NOS2: variants seen among roughly 807,000 people sequenced by gnomAD.
NOS2 encodes the protein nitric oxide synthase, inducible.
Under a neutral mutation model 136.0 loss-of-function variants are expected in NOS2, and 96 were observed. That is an observed-to-expected ratio of 0.71 (90% CI 0.60 to 0.84). The LOEUF (loss-of-function observed/expected upper bound fraction) is 0.84. NOS2 is among the 40% of genes least tolerant of loss of function. The probability of loss-of-function intolerance (pLI) is 0.00; values close to 1 mark genes in which losing one functional copy is unlikely to be tolerated. For missense variants in NOS2, 1,237 were observed against 1,496.9 expected, an observed-to-expected ratio of 0.83 and a Z score of 2.87; for synonymous variants, 539 against 587.5, an observed-to-expected ratio of 0.92 and a Z score of 1.20.
In NOS2 at chr17:27,788,797, C is replaced by A; in HGVS notation, c.318+12G>T. 6.2e-7 allele frequency: 1 copy of A among 1,610,490 alleles called. No homozygotes were observed. The highest frequency in any genetic ancestry group is 8.5e-7 in the Non-Finnish European group (1 of 1,177,540). On this transcript the variant is annotated intron_variant, in intron 4 of 26. Transcript: ENST00000313735. ...GGGACAAAGGTGGTTCTCCCTGAAGCCCCAGACTTACCCCTTTGGCCTTAT... is the reference window on the plus strand; with the variant it reads ...GGGACAAAGGTGGTTCTCCCTGAAGACCCAGACTTACCCCTTTGGCCTTAT...
At chr17:27,773,120 T>C in intron 13 of NOS2, 41 bp downstream of exon 13, 2 of 1,426,314 alleles carry the variant, frequency 1.4e-6, no homozygotes, top group Non-Finnish European at 2.0e-6. Context: ...GGGAGAGATA[T>C]AGTTCACACA....
At position 27,757,196 on chromosome 17, in the gene NOS2, G is replaced by C; in HGVS notation, c.*50C>G. The C allele has an allele frequency of 6.9e-7, 1 of 1,447,896 alleles. No individual in the cohort carries two copies. The highest frequency in any genetic ancestry group is 2.3e-5 in the East Asian group (1 of 43,904). 89.7% of individuals were successfully genotyped at this position (1,447,896 alleles called of 1,614,324 possible). ...TGTGACCTCAGATAATGCAGAGCTG[G>C]CTCCATCCTTAAGTTCTGTGCCGGC... is the stretch of plus-strand genomic sequence containing the variant. On this transcript the variant is annotated 3_prime_UTR_variant, in exon 27 of 27. Transcript: ENST00000313735.
chr17:27,784,479 T>G (rs1434457829), intron 5 of NOS2, among the ~76,000 whole-genome samples: 1 of 152,210 alleles, frequency 6.6e-6, no homozygotes, highest in African/African-American at 2.4e-5. Flanking sequence ...TTCCCCCCTC[T>G]GCACCTGAGC....
intron 16 of NOS2, 69 bp downstream of exon 16, chr17:27,769,466 C>T (rs1435226702): frequency 7.4e-7 from 1 of 1,353,306 alleles, no homozygotes; most frequent in Non-Finnish European, 1.1e-6. Context: ...ACACCCAGTT[C>T]CATCCCCTGA....
At chr17:27,777,569 T>C (rs73986057) in intron 11 of NOS2, among the ~76,000 whole-genome samples, 1,784 of 152,298 alleles carry the variant, frequency 0.012, 37 homozygotes, top group African/African-American at 0.04. Context: ...AGACAAGGAC[T>C]GAAGACCCAG....
In NOS2 at chr17:27,764,208, C is replaced by T. The variant is rs1333981228; in HGVS notation, c.2429-64G>A. ...CCCATTCAGGATTCTCAGCAGGTAGCGAGGCCCCCAGGCAGACACCCTCTA... is the reference window on the plus strand; with the variant it reads ...CCCATTCAGGATTCTCAGCAGGTAGTGAGGCCCCCAGGCAGACACCCTCTA... On this transcript the variant is annotated intron_variant, in intron 20 of 26. Coordinates refer to ENST00000313735, the MANE Select transcript of NOS2 (RefSeq NM_000625.4). 6 of 997,634 alleles carry T rather than the reference C, an allele frequency of 6.0e-6. No individual in the cohort carries two copies. In the East Asian group the frequency reaches 9.7e-5, roughly 16 times the overall value. The allele number at this position is 997,634 out of a possible 1,614,324, so 61.8% of individuals were successfully genotyped here.
chr17:27,771,131 C>A, intron 14 of NOS2, 114 bp from the exon 15 acceptor site: 2 of 718,834 alleles, frequency 2.8e-6, no homozygotes, highest in South Asian at 3.3e-5. Context: ...CTCCTGTGCT[C>A]ATCTGTCTCT....
chr17:27,772,851 C>G (rs1402994794), intron 13 of NOS2, among the ~76,000 whole-genome samples: 1 of 152,074 alleles, frequency 6.6e-6, no homozygotes, highest in African/African-American at 2.4e-5. Context: ...CTGGGCAACA[C>G]TGCGAGACCC....
At chr17:27,785,128 G>A (rs977100860) in intron 5 of NOS2, among the ~76,000 whole-genome samples, 42 of 150,948 alleles carry the variant, frequency 2.8e-4, no homozygotes, top group African/African-American at 9.4e-4. Context: ...GCCTAGGTTC[G>A]AATCCCCACT....
At position 27,784,161 on chromosome 17, in the gene NOS2, C is replaced by CACACACACACA. The variant is rs3221879; in HGVS notation, c.468-1056_468-1055insTGTGTGTGTGT. ...ACACACACACACACACACACACACA[C>CACACACACACA]TACCACCACCACCAACAACAACAAC... On this transcript the variant is annotated intron_variant, in intron 5 of 26. Transcript: ENST00000313735. Among the ~76,000 whole-genome samples the CACACACACACA allele has an allele frequency of 5.7e-4, 81 of 143,330 alleles. 1 individual carries two copies. The highest frequency in any genetic ancestry group is 1.9e-3 in the African/African-American group (74 of 39,222). 94.0% of individuals were successfully genotyped at this position (143,330 alleles called of 152,430 possible).
intron 11 of NOS2, 66 bp from the exon 12 acceptor site, chr17:27,774,517 C>T: frequency 4.0e-6 from 5 of 1,261,968 alleles, no homozygotes; most frequent in Non-Finnish European, 4.2e-6. Flanking sequence ...GGCCGGTTGG[C>T]CGCAGGGCTC....
At chr17:27,771,234 G>A (rs946994139) in intron 14 of NOS2, among the ~76,000 whole-genome samples, 1 of 152,202 alleles carries the variant, frequency 6.6e-6, no homozygotes, top group Admixed American at 6.5e-5. Flanking sequence ...AAGCCCTATG[G>A]TTAACACATT....
chr17:27,791,863 T>A (rs1048419232), intron 2 of NOS2, among the ~76,000 whole-genome samples: 1 of 151,496 alleles, frequency 6.6e-6, no homozygotes, highest in Non-Finnish European at 1.5e-5. Flanking sequence ...GGCTGAGCAG[T>A]CACCATGGGG....
Position 27,767,704 on chromosome 17 carries a change from C to A in NOS2, c.2167+1G>T. On this transcript the variant is annotated splice_donor_variant, in intron 18 of 26. Transcript: ENST00000313735. LOFTEE classifies it high-confidence loss of function. ...CCCATGTGCTGCAGAGAAGCAGGTACCTTTGCTGAGGTCCAAAGGCTGTGA... is the reference window on the plus strand; with the variant it reads ...CCCATGTGCTGCAGAGAAGCAGGTAACTTTGCTGAGGTCCAAAGGCTGTGA... 6.2e-7 allele frequency: 1 copy of A among 1,613,462 alleles called. No homozygotes were observed. Among genetic ancestry groups the A allele is most frequent in the Non-Finnish European group, 8.5e-7 (1 of 1,179,902 alleles).
At chr17:27,797,547 C>T (rs1446000846) in intron 2 of NOS2, among the ~76,000 whole-genome samples, 3 of 152,224 alleles carry the variant, frequency 2.0e-5, no homozygotes, top group African/African-American at 7.2e-5. Flanking sequence ...TTTTTGCCGC[C>T]TCTGACAGAT....
In NOS2 at chr17:27,773,225, G is replaced by A; in HGVS notation, c.1495C>T (p.His499Tyr). 6.2e-7 allele frequency: 1 copy of A among 1,613,926 alleles called. No homozygotes were observed. The highest frequency in any genetic ancestry group is 2.2e-5 in the East Asian group (1 of 44,882). ...YYYQVEAWKT[H>Y]VWQDEKRRPK... ...CTCCGCTTCTCGTCCTGCCAGACAT[G>A]GGTTTTCCAGGCCTCTACCTTCAGA... is the stretch of plus-strand genomic sequence containing the variant. The change falls in exon 13 of 27, where the codon CAT becomes TAT. Residue 499 changes from histidine to tyrosine, a missense_variant. Around this residue, in one of 3 missense-constraint regions of NOS2, gnomAD observed 782 missense variants for 909.9 expected, o/e 0.86. Transcript: ENST00000313735.
In NOS2 at chr17:27,757,171, T is replaced by C; in HGVS notation, c.*75A>G. ...CACTTTCCTCCATCTCCCCAGGCCC[T>C]GTGACCTCAGATAATGCAGAGCTGG... On this transcript the variant is annotated 3_prime_UTR_variant, in exon 27 of 27. Transcript: ENST00000313735. 8.4e-7 allele frequency: 1 copy of C among 1,194,748 alleles called. No individual in the cohort carries two copies. Among genetic ancestry groups the C allele is most frequent in the South Asian group, 1.3e-5 (1 of 76,808 alleles). 74.0% of individuals were successfully genotyped at this position (1,194,748 alleles called of 1,614,324 possible).
chr17:27,792,291 A>G (rs1381261020), intron 2 of NOS2, among the ~76,000 whole-genome samples: 1 of 151,614 alleles, frequency 6.6e-6, no homozygotes, highest in Non-Finnish European at 1.5e-5. Context: ...TGTGCGTACA[A>G]GCACAGAAAA....
At chr17:27,790,491 G>A (rs1246031236) in intron 2 of NOS2, among the ~76,000 whole-genome samples, 1 of 152,214 alleles carries the variant, frequency 6.6e-6, no homozygotes, top group East Asian at 1.9e-4. Context: ...AAAATGTTAA[G>A]TGTACAAAAG....
Sources: gnomAD v4.1 joint callset for allele counts (sites outside exome capture counted in the v4.1 genomes callset) on GRCh38, gnomAD v4.1.1 for gene constraint, gnomAD v4.1.1 regional missense constraint, MANE v1.5 for transcripts, NCBI Gene and HGNC (gene_info 2026-07-23, HGNC 2026-07-21) for gene names.